Variants in DEAF1 observed in about 807,000 individuals in gnomAD.
The protein encoded by DEAF1 is DEAF1 transcription factor.
In DEAF1, 53 loss-of-function variants were observed where a neutral mutation model predicts 58.9. That is an observed-to-expected ratio of 0.90 (90% CI 0.72 to 1.13). The LOEUF is 1.13. Among genes scored for constraint, DEAF1 ranks in the 50% most tolerant of loss-of-function variants. DEAF1 has a pLI of 0.00. For missense variants in DEAF1, 685 were observed against 791.4 expected (o/e 0.87, Z 1.61); for synonymous variants, 385 against 340.4 (o/e 1.13, Z -1.44).
chr11:685,335 C>T (rs910209995), intron 5 of DEAF1, among the ~76,000 whole-genome samples: 23 of 152,142 alleles, frequency 1.5e-4, no homozygotes, highest in Admixed American at 2.6e-4. Context: ...CTGCCCGCCT[C>T]GGCCTCCCGA....
At chr11:656,794 C>T (rs1360743712) in intron 10 of DEAF1, among the ~76,000 whole-genome samples, 5 of 152,364 alleles carry the variant, frequency 3.3e-5, no homozygotes, top group African/African-American at 9.6e-5. Flanking sequence ...CCTGTTGCCT[C>T]GCAGGCGCCT....
intron 10 of DEAF1, among the ~76,000 whole-genome samples, chr11:654,914 T>G (rs778877597): frequency 2.0e-5 from 3 of 151,084 alleles, no homozygotes; most frequent in Admixed American, 6.6e-5. Flanking sequence ...CTCATGCCTG[T>G]AATCCCAGCA....
chr11:687,859 G>A (rs1860664905), intron 4 of DEAF1, 52 bp downstream of exon 4: 1 of 1,608,238 alleles, frequency 6.2e-7, no homozygotes, highest in Admixed American at 1.7e-5. Flanking sequence ...ATTTATGCTA[G>A]GGGGGTTACA....
chr11:656,158 CTT>C (rs1554936925), intron 10 of DEAF1, among the ~76,000 whole-genome samples: 13 of 124,262 alleles, frequency 1.0e-4, no homozygotes, highest in East Asian at 5.0e-4. Context: ...AAATGACAAA[CTT>C]TTTTTTTTTT....
intron 11 of DEAF1, among the ~76,000 whole-genome samples, chr11:645,421 A>C (rs1448108139): frequency 6.6e-6 from 1 of 151,912 alleles, no homozygotes; most frequent in Non-Finnish European, 1.5e-5. Flanking sequence ...GGTTCAAGCA[A>C]TTCTCTTGCC....
At chr11:668,596 G>C (rs1386719395) in intron 10 of DEAF1, among the ~76,000 whole-genome samples, 1 of 152,142 alleles carries the variant, frequency 6.6e-6, no homozygotes, top group Non-Finnish European at 1.5e-5. Flanking sequence ...GCTGAGGTGG[G>C]TGGATGGCTT....
rs1249918852 is a variant in DEAF1, at chr11:694,942, C to A, written c.106G>T (p.Glu36Ter). 7.7e-7 allele frequency: 1 copy of A among 1,293,850 alleles called. No individual in the cohort carries two copies. Among genetic ancestry groups the A allele is most frequent in the Non-Finnish European group, 9.8e-7 (1 of 1,024,910 alleles). The allele number at this position is 1,293,850 out of a possible 1,614,324, so 80.1% of individuals were successfully genotyped here. A position where few individuals can be genotyped will look rare whatever the true frequency, so the allele number is the denominator to read the frequency against. Residue 36 changes from glutamate to a stop codon, truncating the protein, a stop_gained, in exon 1 of 12, where the codon GAG (glutamate) becomes TAG (stop). Coordinates refer to ENST00000382409, the MANE Select transcript of DEAF1 (RefSeq NM_021008.4). LOFTEE classifies it high-confidence loss of function. Reference sequence around the variant, plus strand: ...CTGCTCAGCACCGGCTCCTCCGCCTCGCCTCCTGCCGCGGCCGCGGCCGCC... The same window carrying A: ...CTGCTCAGCACCGGCTCCTCCGCCTAGCCTCCTGCCGCGGCCGCGGCCGCC... ...AAAAAAAAGG[E>*]AEEPVLSRDE... is the part of the protein sequence containing the mutation.
chr11:650,004 GAC>G (rs909957668), intron 11 of DEAF1, among the ~76,000 whole-genome samples: 2 of 151,922 alleles, frequency 1.3e-5, no homozygotes, highest in South Asian at 2.1e-4. Context: ...CCAGCCTGGC[GAC>G]AGAGTGAGAT....
intron 10 of DEAF1, among the ~76,000 whole-genome samples, chr11:659,081 AAC>A (rs1437753162): frequency 1.3e-5 from 2 of 152,186 alleles, no homozygotes; most frequent in Non-Finnish European, 2.9e-5. Context: ...CTGCAAATAA[AAC>A]TAAGTCTAAC....
intron 11 of DEAF1, chr11:651,315 C>T: frequency 3.6e-6 from 1 of 279,022 alleles, no homozygotes; most frequent in Non-Finnish European, 7.0e-6. Context: ...TGCCTCATGC[C>T]TATAATCCTA....
At chr11:675,312 A>C in intron 9 of DEAF1, among the ~76,000 whole-genome samples, 1 of 152,134 alleles carries the variant, frequency 6.6e-6, no homozygotes, top group South Asian at 2.1e-4. Context: ...TGAGCTCAGG[A>C]GTTCAAGACC....
chr11:686,163 G>A (rs2133399364), intron 5 of DEAF1, among the ~76,000 whole-genome samples: 1 of 150,084 alleles, frequency 6.7e-6, no homozygotes, highest in Non-Finnish European at 1.5e-5. Context: ...GTGGTGGCGG[G>A]CACCTGTAAT....
intron 11 of DEAF1, among the ~76,000 whole-genome samples, chr11:653,616 C>CA (rs1268912904): frequency 6.8e-6 from 1 of 146,448 alleles, no homozygotes; most frequent in Non-Finnish European, 1.5e-5. Flanking sequence ...CAGTCTCTCT[C>CA]ACGTGGCTCT....
intron 11 of DEAF1, 103 bp downstream of exon 11, chr11:653,859 G>A (rs1449130245): frequency 1.0e-6 from 1 of 998,580 alleles, no homozygotes; most frequent in Non-Finnish European, 1.6e-6. Context: ...AGGGAGGGGA[G>A]TCAGGTGTGG....
At chr11:646,986 TAAAA>T (rs58523027) in intron 11 of DEAF1, among the ~76,000 whole-genome samples, 1 of 148,586 alleles carries the variant, frequency 6.7e-6, no homozygotes, top group African/African-American at 2.5e-5. Context: ...CCTATCTCTA[TAAAA>T]AAAAAAAAAT....
Position 700,911 on chromosome 11 carries a change from G to T in DEAF1, c.-438+5661C>A, listed in dbSNP as rs553720757. 1.8e-4 allele frequency: 107 copies of T among 610,682 alleles called. 1 individual carries two copies. The South Asian group carries it at 1.9e-3, about 11-fold the overall frequency. The allele number at this position is 610,682 out of a possible 1,614,324, so 37.8% of individuals were successfully genotyped here. On this transcript the variant is annotated intron_variant, in intron 1 of 11. Coordinates refer to the DEAF1 transcript ENST00000683307. ...TGTCCCAGAGACAAATAACACTGGGGGCATCGTTGGGAGAGACTCTGTGTT... is the reference window on the plus strand; with the variant it reads ...TGTCCCAGAGACAAATAACACTGGGTGCATCGTTGGGAGAGACTCTGTGTT...
chr11:691,744 G>C, intron 1 of DEAF1, 146 bp from the exon 2 acceptor site: 1 of 714,562 alleles, frequency 1.4e-6, no homozygotes, highest in Non-Finnish European at 2.5e-6. Context: ...CCATGAACAC[G>C]CTCGACCTAC....
chr11:681,257 G>A (rs1320185546), intron 6 of DEAF1, among the ~76,000 whole-genome samples, 168 bp from the exon 7 acceptor site: 2 of 152,024 alleles, frequency 1.3e-5, no homozygotes, highest in Non-Finnish European at 2.9e-5. Flanking sequence ...TTTTTGAGAC[G>A]GAGTTTCACT....
intron 11 of DEAF1, among the ~76,000 whole-genome samples, chr11:645,668 G>A (rs558781778): frequency 6.6e-6 from 1 of 152,314 alleles, no homozygotes; most frequent in African/African-American, 2.4e-5. Context: ...GAACCAGCCC[G>A]TGGCTGCAGA....
Sources: allele counts gnomAD v4.1 joint callset (sites outside exome capture counted in the v4.1 genomes callset), GRCh38; gene constraint gnomAD v4.1.1; transcripts MANE v1.5; gene names NCBI Gene and HGNC (gene_info 2026-07-23, HGNC 2026-07-21).